Variants in DNAH14 observed in about 807,000 individuals in gnomAD.
The protein encoded by DNAH14 is axonemal beta dynein heavy chain 14.
DNAH14 carries 478 observed loss-of-function variants against 520.9 expected under a neutral mutation model. The ratio of observed to expected loss-of-function variants is 0.92; its 90% confidence interval spans 0.85 to 0.99. DNAH14 has a LOEUF of 0.99. DNAH14 is among the 50% of genes least tolerant of loss of function. The probability of loss-of-function intolerance (pLI) is 0.00; values close to 1 mark genes in which losing one functional copy is unlikely to be tolerated. For missense variants in DNAH14, 4,831 were observed against 5,234.5 expected, an observed-to-expected ratio of 0.92 and a Z score of 2.38; for synonymous variants, 1,581 against 1,757.2, an observed-to-expected ratio of 0.90 and a Z score of 2.51.
Position 225,236,811 on chromosome 1 carries a change from G to T in DNAH14, c.6519-3782G>T, listed in dbSNP as rs963283999. Among the ~76,000 whole-genome samples the T allele has an allele frequency of 3.4e-4, 51 of 152,072 alleles. 1 individual carries two copies. Among genetic ancestry groups the T allele is most frequent in the Admixed American group, 2.6e-4 (4 of 15,254 alleles). ...TTCTTCTTATCTATCAGCATAGAAG[G>T]TTTTTCCATTTGTTTGTGTCCACTC... On this transcript the variant is annotated intron_variant, in intron 42 of 85. Coordinates refer to ENST00000682510, the MANE Select transcript of DNAH14 (RefSeq NM_001367479.1).
chr1:225,259,149 C>T lies in DNAH14; in HGVS notation c.7053C>T (p.Ala2351=), dbSNP rs551468235. Residue 2351 remains alanine (A), a synonymous_variant, in exon 46 of 86, where the codon GCC becomes GCT. Coordinates refer to ENST00000682510, the MANE Select transcript of DNAH14 (RefSeq NM_001367479.1). ...TGESGVGKTA[A]INQMLEKLEG... ...AATCTGGTGTTGGGAAAACTGCTGC[C>T]ATTAATCAAATGCTTGAAAAGCTAG... The T allele has an allele frequency of 8.8e-5, 135 of 1,542,588 alleles. 2 individuals carry two copies. In the East Asian group the frequency reaches 1.9e-3, roughly 21 times the overall value.
At chr1:225,157,173 T>C (rs1318656161) in intron 34 of DNAH14, among the ~76,000 whole-genome samples, 1 of 152,220 alleles carries the variant, frequency 6.6e-6, no homozygotes, top group East Asian at 1.9e-4. Flanking sequence ...ATCTTTTTGT[T>C]TAGAAAACAA....
At chr1:225,064,687 G>A (rs2070632057) in intron 17 of DNAH14, among the ~76,000 whole-genome samples, 1 of 151,952 alleles carries the variant, frequency 6.6e-6, no homozygotes. Context: ...GTGATTCCAT[G>A]TACTCATATA....
intron 71 of DNAH14, among the ~76,000 whole-genome samples, chr1:225,351,233 A>G (rs4539098): frequency 6.6e-6 from 1 of 151,906 alleles, no homozygotes; most frequent in Non-Finnish European, 1.5e-5. Context: ...ATGGCAAAAA[A>G]CACAAAAATT....
chr1:224,946,844 T>G (rs2059868662), intron 1 of DNAH14, among the ~76,000 whole-genome samples: 1 of 151,714 alleles, frequency 6.6e-6, no homozygotes. Context: ...ATGGCTTTTT[T>G]TTTTTTCCTA....
intron 76 of DNAH14, among the ~76,000 whole-genome samples, chr1:225,365,646 G>C (rs936709710): frequency 1.2e-4 from 18 of 152,092 alleles, no homozygotes; most frequent in Non-Finnish European, 2.4e-4. Flanking sequence ...CGGTTCCTGG[G>C]GCAGACAGAA....
chr1:225,072,582 G>T (rs939932992), intron 17 of DNAH14, among the ~76,000 whole-genome samples: 2 of 152,204 alleles, frequency 1.3e-5, no homozygotes, highest in African/African-American at 2.4e-5. Flanking sequence ...GAGAGGTATT[G>T]CAGTCATTTG....
chr1:225,211,433 A>G (rs1307541806), intron 41 of DNAH14, among the ~76,000 whole-genome samples: 1 of 152,132 alleles, frequency 6.6e-6, no homozygotes, highest in African/African-American at 2.4e-5. Flanking sequence ...TGATGAAATA[A>G]TGCATTAGGA....
intron 6 of DNAH14, 102 bp from the exon 7 acceptor site, chr1:224,968,657 G>A: frequency 2.7e-6 from 2 of 728,920 alleles, no homozygotes; most frequent in Admixed American, 3.9e-5. Flanking sequence ...AAGGCAAGAA[G>A]TTACAAGAAG....
rs182401675 is a variant in DNAH14 at position 225,216,010 on chromosome 1, G to T, written c.6439+8790G>T. 5.8e-3 allele frequency among the ~76,000 whole-genome samples: 884 copies of T among 152,252 alleles called. 9 individuals carry two copies. Among genetic ancestry groups the T allele is most frequent in the Non-Finnish European group, 7.5e-3 (510 of 68,030 alleles). On this transcript the variant is annotated intron_variant, in intron 41 of 85. Coordinates refer to ENST00000682510, the MANE Select transcript of DNAH14 (RefSeq NM_001367479.1). ...TAGCCTCAATGGTCATTACAATTTG[G>T]CATGTTTTTGCAGTGGCTAGTACTG...
At position 225,340,692 on chromosome 1, in the gene DNAH14, A is replaced by T. The variant is rs954083888; in HGVS notation, c.10669A>T (p.Lys3557Ter). 24 of 1,551,148 alleles carry T rather than the reference A, an allele frequency of 1.5e-5. No homozygotes were observed. Among genetic ancestry groups the T allele is most frequent in the East Asian group, 1.2e-4 (5 of 40,844 alleles). Reference sequence around the variant, plus strand: ...GGAAAAAACATTAAATTTACTGCAGAAAGCACTAGGTAAGTCAAGATATTT... The same window carrying T: ...GGAAAAAACATTAAATTTACTGCAGTAAGCACTAGGTAAGTCAAGATATTT... ...LEEKTLNLLQ[K>*]ALGSILDDDK... Residue 3557 changes from lysine to a stop codon, truncating the protein, a stop_gained, in exon 69 of 86, where the codon AAA becomes TAA. Transcript: ENST00000682510. LOFTEE classifies it high-confidence loss of function.
intron 55 of DNAH14, among the ~76,000 whole-genome samples, chr1:225,298,680 T>G: frequency 6.6e-6 from 1 of 152,072 alleles, no homozygotes; most frequent in East Asian, 1.9e-4. Flanking sequence ...CTCAAGATGG[T>G]GCCATGCTGC....
intron 66 of DNAH14, among the ~76,000 whole-genome samples, chr1:225,334,337 A>G (rs1197135536): frequency 6.6e-6 from 1 of 152,126 alleles, no homozygotes; most frequent in African/African-American, 2.4e-5. Context: ...AAAAAATTAA[A>G]AAATTACTGA....
intron 66 of DNAH14, among the ~76,000 whole-genome samples, chr1:225,335,381 A>ATACGTGTGTACGTGTGTGTG (rs1558428230): frequency 1.5e-5 from 1 of 66,556 alleles, no homozygotes; most frequent in Non-Finnish European, 3.0e-5. Flanking sequence ...GTGTGTGTAT[A>ATACGTGTGTACGTGTGTGTG]TGCACATATA....
intron 7 of DNAH14, among the ~76,000 whole-genome samples, chr1:224,971,609 G>C (rs2061506242): frequency 6.6e-6 from 1 of 152,186 alleles, no homozygotes; most frequent in Admixed American, 6.5e-5. Context: ...AGACGTCTGT[G>C]TGCATTGCTT....
At chr1:225,318,824 G>C (rs1311239316) in intron 61 of DNAH14, 147 bp downstream of exon 61, 1 of 733,144 alleles carries the variant, frequency 1.4e-6, no homozygotes. Flanking sequence ...ACCCATCTTG[G>C]TTACTTTAAG....
chr1:225,173,124 A>G (rs2149243046), intron 36 of DNAH14, among the ~76,000 whole-genome samples: 1 of 152,338 alleles, frequency 6.6e-6, no homozygotes, highest in Middle Eastern at 3.4e-3. Context: ...TGGATTAAAG[A>G]CTTAAATGTT....
intron 23 of DNAH14, among the ~76,000 whole-genome samples, chr1:225,110,085 A>C (rs888367997): frequency 5.3e-5 from 8 of 152,032 alleles, no homozygotes; most frequent in African/African-American, 1.9e-4. Flanking sequence ...TTTGGTTTGC[A>C]TGCATTTTGT....
At chr1:225,365,314 A>G (rs557342469) in intron 76 of DNAH14, among the ~76,000 whole-genome samples, 7 of 152,216 alleles carry the variant, frequency 4.6e-5, no homozygotes, top group Non-Finnish European at 7.3e-5. Context: ...GGGACTTCTC[A>G]TATCCACTAT....
Sources: gnomAD v4.1 joint callset for allele counts (sites outside exome capture counted in the v4.1 genomes callset) on GRCh38, gnomAD v4.1.1 for gene constraint, MANE v1.5 for transcripts, NCBI Gene and HGNC (gene_info 2026-07-23, HGNC 2026-07-21) for gene names.